CLIP1: variants seen among roughly 807,000 people sequenced by gnomAD.
CLIP1 encodes CAP-Gly domain-containing linker protein 1.
Under a neutral mutation model 161.6 loss-of-function variants are expected in CLIP1, and 66 were observed. The ratio of observed to expected loss-of-function variants is 0.41; its 90% confidence interval spans 0.33 to 0.50. The LOEUF is 0.50. CLIP1 is among the 20% of genes least tolerant of loss of function. The pLI is 0.27. For missense variants in CLIP1, 1,376 were observed against 1,702.0 expected, an observed-to-expected ratio of 0.81 and a Z score of 3.37; for synonymous variants, 598 against 626.2, an observed-to-expected ratio of 0.96 and a Z score of 0.67.
chr12:122,282,502 A>C (rs1001989100), intron 21 of CLIP1, among the ~76,000 whole-genome samples: 1 of 152,220 alleles, frequency 6.6e-6, no homozygotes, highest in Admixed American at 6.5e-5. Flanking sequence ...CCAGTAATGA[A>C]GCAAATACCT....
intron 9 of CLIP1, among the ~76,000 whole-genome samples, 185 bp from the exon 10 acceptor site, chr12:122,347,664 AC>A (rs1200063128): frequency 1.3e-5 from 2 of 152,136 alleles, no homozygotes; most frequent in Non-Finnish European, 2.9e-5. Flanking sequence ...AATACCAGGG[AC>A]AAAGGATGGT....
chr12:122,334,723 G>T lies in CLIP1; in HGVS notation c.2569-18C>A, dbSNP rs766753813. 6.7e-7 allele frequency: 1 copy of T among 1,492,996 alleles called. No homozygotes were observed. The highest frequency in any genetic ancestry group is 9.2e-7 in the Non-Finnish European group (1 of 1,089,212). The allele number at this position is 1,492,996 out of a possible 1,614,324, so 92.5% of individuals were successfully genotyped here. ...TTTTCTTTCTAAAGAAAAAGAATGA[G>T]AGATTCTGAACAGAAAGATTTCAAA... On this transcript the variant is annotated intron_variant, in intron 12 of 25. Coordinates refer to ENST00000620786, the MANE Select transcript of CLIP1 (RefSeq NM_001247997.2).
chr12:122,375,997 G>A (rs1954707490), intron 3 of CLIP1, among the ~76,000 whole-genome samples: 1 of 151,754 alleles, frequency 6.6e-6, no homozygotes, highest in African/African-American at 2.4e-5. Flanking sequence ...GGAGTGTAGT[G>A]ACGCGATCTT....
intron 21 of CLIP1, among the ~76,000 whole-genome samples, chr12:122,287,625 G>C (rs556384665): frequency 1.3e-5 from 2 of 152,114 alleles, no homozygotes; most frequent in Non-Finnish European, 2.9e-5. Context: ...GAAGAGCAAA[G>C]ACTTATCAGC....
chr12:122,414,205 C>T (rs1431060155), intron 1 of CLIP1, among the ~76,000 whole-genome samples: 1 of 152,102 alleles, frequency 6.6e-6, no homozygotes, highest in Non-Finnish European at 1.5e-5. Flanking sequence ...GTGGCGTGAA[C>T]ACAGCTCACT....
At chr12:122,278,350 G>A in intron 23 of CLIP1, 147 bp from the exon 24 acceptor site, 5 of 750,634 alleles carry the variant, frequency 6.7e-6, no homozygotes, top group Admixed American at 2.4e-5. Context: ...AGCACATGTG[G>A]ATGAGTTTGT....
At position 122,272,823 on chromosome 12, in the gene CLIP1, T is replaced by C. The variant is rs1955227053; in HGVS notation, c.*52A>G. The C allele has an allele frequency of 4.1e-6, 6 of 1,462,568 alleles. No individual in the cohort carries two copies. The highest frequency in any genetic ancestry group is 5.8e-6 in the Non-Finnish European group (6 of 1,043,206). 90.6% of individuals were successfully genotyped at this position (1,462,568 alleles called of 1,614,324 possible). Reference sequence around the variant, plus strand: ...TGCACACACAATGCTGGTGTTACGTTGTGTCAATGCGAGTGCGTCTGAGCA... The same window carrying C: ...TGCACACACAATGCTGGTGTTACGTCGTGTCAATGCGAGTGCGTCTGAGCA... On this transcript the variant is annotated 3_prime_UTR_variant, in exon 26 of 26. Coordinates refer to ENST00000620786, the MANE Select transcript of CLIP1 (RefSeq NM_001247997.2).
intron 4 of CLIP1, among the ~76,000 whole-genome samples, chr12:122,361,457 AC>A (rs2136577484): frequency 6.6e-6 from 1 of 152,346 alleles, no homozygotes; most frequent in East Asian, 1.9e-4. Flanking sequence ...TATTTTCACA[AC>A]CTGATAAATG....
intron 14 of CLIP1, among the ~76,000 whole-genome samples, 180 bp from the exon 15 acceptor site, chr12:122,333,323 G>A (rs767188012): frequency 5.9e-5 from 9 of 152,114 alleles, no homozygotes; most frequent in South Asian, 2.1e-4. Flanking sequence ...AATTAATAGC[G>A]GTAAGTGCTA....
chr12:122,341,474 A>G lies in CLIP1; in HGVS notation c.1730T>C (p.Phe577Ser), dbSNP rs146619086. ...QREITSLKEH[F>S]GAREETHQKE... is the part of the protein sequence containing the mutation. ...CTGATGAGTTTCTTCCCGGGCTCCA[A>G]AATGCTCCTTCAGAGAAGTTATTTC... The change falls in exon 11 of 26, where the codon TTT becomes TCT. Residue 577 changes from phenylalanine to serine, a missense_variant. Transcript: ENST00000620786. The G allele has an allele frequency of 1.2e-6, 2 of 1,613,242 alleles. No individual in the cohort carries two copies. Among genetic ancestry groups the G allele is most frequent in the African/African-American group, 1.3e-5 (1 of 74,822 alleles).
intron 10 of CLIP1, 50 bp downstream of exon 10, chr12:122,347,324 TC>T: frequency 7.5e-7 from 1 of 1,328,430 alleles, no homozygotes; most frequent in Non-Finnish European, 1.1e-6. Flanking sequence ...ACCTGAGGTG[TC>T]CACCCTTCAC....
intron 1 of CLIP1, among the ~76,000 whole-genome samples, chr12:122,387,569 TATATATATATATATATATATA>T (rs370281806): frequency 0.11 from 862 of 7,672 alleles, 21 homozygotes; most frequent in South Asian, 0.2. Context: ...TATATATATA[TATATATATATATATATATATA>T]TTTTTTTTTT....
At chr12:122,386,267 G>C (rs910698455) in intron 1 of CLIP1, among the ~76,000 whole-genome samples, 71 of 152,032 alleles carry the variant, frequency 4.7e-4, no homozygotes, top group African/African-American at 1.6e-3. Flanking sequence ...GCCTGGGCAA[G>C]TGCAAGACTC....
At chr12:122,286,726 C>A (rs1191321639) in intron 21 of CLIP1, among the ~76,000 whole-genome samples, 1 of 151,064 alleles carries the variant, frequency 6.6e-6, no homozygotes, top group Admixed American at 6.6e-5. Flanking sequence ...AAGCCGGGTG[C>A]GGTGGCTCAC....
chr12:122,374,833 GAGT>G (rs1954640312), intron 3 of CLIP1, among the ~76,000 whole-genome samples: 2 of 152,246 alleles, frequency 1.3e-5, no homozygotes, highest in South Asian at 4.1e-4. Context: ...GAGCCCTGGG[GAGT>G]AGCTCACAGA....
intron 20 of CLIP1, among the ~76,000 whole-genome samples, chr12:122,302,843 C>T (rs1950740426): frequency 6.6e-6 from 1 of 152,120 alleles, no homozygotes; most frequent in South Asian, 2.1e-4. Context: ...GTGATCTGCC[C>T]ACCTCGGCCT....
chr12:122,412,841 A>C (rs899352760), intron 1 of CLIP1, among the ~76,000 whole-genome samples: 3 of 152,252 alleles, frequency 2.0e-5, no homozygotes, highest in African/African-American at 4.8e-5. Context: ...CCCATCTTAA[A>C]ACTAATACAT....
chr12:122,366,901 AAC>A (rs1000912464), intron 3 of CLIP1, among the ~76,000 whole-genome samples: 2 of 152,214 alleles, frequency 1.3e-5, no homozygotes, highest in Non-Finnish European at 2.9e-5. Context: ...CGTTAGTACT[AAC>A]ACACAAATCA....
chr12:122,310,773 C>T (rs1343237490), intron 19 of CLIP1, among the ~76,000 whole-genome samples: 1 of 152,212 alleles, frequency 6.6e-6, no homozygotes, highest in Non-Finnish European at 1.5e-5. Context: ...AGCTGTCATA[C>T]ATGGCTGAAT....
Sources: gnomAD v4.1 joint callset for allele counts (sites outside exome capture counted in the v4.1 genomes callset) on GRCh38, gnomAD v4.1.1 for gene constraint, MANE v1.5 for transcripts, NCBI Gene and HGNC (gene_info 2026-07-23, HGNC 2026-07-21) for gene names.